Variants in EXOC6 observed in about 807,000 individuals in gnomAD.
EXOC6 encodes the protein SEC15-like 1.
A neutral mutation model predicts 112.5 loss-of-function variants in EXOC6; 60 were observed. The observed-to-expected ratio is 0.53, with a 90% CI of 0.43 to 0.66. EXOC6 has a LOEUF of 0.66. EXOC6 is among the 30% of genes least tolerant of loss of function. The probability of loss-of-function intolerance (pLI) is 0.00; values close to 1 mark genes in which losing one functional copy is unlikely to be tolerated. For synonymous variants in EXOC6, 295 were observed against 308.0 expected (o/e 0.96, Z 0.44); for missense variants, 855 against 957.1 (o/e 0.89, Z 1.41).
chr10:92,985,442 A>G (rs908195400), intron 18 of EXOC6, among the ~76,000 whole-genome samples: 19 of 151,994 alleles, frequency 1.3e-4, no homozygotes, highest in Non-Finnish European at 2.4e-4. Context: ...GAATTCCCAC[A>G]TACACCTTCA....
At chr10:92,920,144 A>G (rs1851347663) in intron 8 of EXOC6, 94 bp downstream of exon 8, 3 of 690,024 alleles carry the variant, frequency 4.3e-6, no homozygotes, top group Non-Finnish European at 6.8e-6. Flanking sequence ...TATGCTGTAA[A>G]TCTTCACATA....
At chr10:92,907,456 G>C (rs1353896971) in intron 5 of EXOC6, among the ~76,000 whole-genome samples, 2 of 152,172 alleles carry the variant, frequency 1.3e-5, no homozygotes, top group Non-Finnish European at 2.9e-5. Flanking sequence ...TCTCATGGGA[G>C]CGCCAAGATG....
chr10:93,057,160 G>T, intron 21 of EXOC6, 124 bp downstream of exon 21: 1 of 511,604 alleles, frequency 2.0e-6, no homozygotes, highest in East Asian at 3.4e-5. Flanking sequence ...GCTCACTCTA[G>T]TTTAATGACC....
intron 18 of EXOC6, among the ~76,000 whole-genome samples, chr10:92,980,323 T>A (rs933326116): frequency 2.6e-5 from 4 of 152,170 alleles, no homozygotes; most frequent in African/African-American, 4.8e-5. Context: ...ATTTTTCCCA[T>A]AGGACTGTCA....
intron 4 of EXOC6, among the ~76,000 whole-genome samples, chr10:92,898,848 ATGT>A (rs925248424): frequency 6.6e-6 from 1 of 152,122 alleles, no homozygotes; most frequent in Non-Finnish European, 1.5e-5. Flanking sequence ...CTGGAAAAAA[ATGT>A]TGTCTGTCCA....
At chr10:92,943,176 G>A (rs562020348) in intron 13 of EXOC6, among the ~76,000 whole-genome samples, 4 of 151,866 alleles carry the variant, frequency 2.6e-5, no homozygotes, top group East Asian at 3.9e-4. Flanking sequence ...CCACCACCAC[G>A]CCCGGCTAAT....
At position 92,940,770 on chromosome 10, in the gene EXOC6, A is replaced by G. The variant is rs1370516436; in HGVS notation, c.1256A>G (p.Glu419Gly). The change falls in exon 13 of 22, where the codon GAA becomes GGA. Residue 419 changes from glutamate to glycine, a missense_variant. By Grantham distance (98) the Glu-to-Gly change is moderately conservative. Around this residue, in one of 2 missense-constraint regions of EXOC6, gnomAD observed 450 missense variants for 563.5 expected, o/e 0.80. Transcript: ENST00000260762. ...PVNRLFDLLF[E>G]IRDQYNETLL... ...AACCGACTTTTTGACCTTTTATTTGAAATAAGAGACCAATACAATGAAACA... is the reference window on the plus strand; with the variant it reads ...AACCGACTTTTTGACCTTTTATTTGGAATAAGAGACCAATACAATGAAACA... The G allele has an allele frequency of 6.2e-7, 1 of 1,608,942 alleles. No homozygotes were observed. The highest frequency in any genetic ancestry group is 2.2e-5 in the East Asian group (1 of 44,604).
chr10:92,989,008 C>G (rs1843123427), intron 18 of EXOC6, among the ~76,000 whole-genome samples: 1 of 152,194 alleles, frequency 6.6e-6, no homozygotes, highest in Admixed American at 6.5e-5. Context: ...GCTGATTCCA[C>G]TTAACTGCAT....
At chr10:93,057,074 G>A (rs766789447) in intron 21 of EXOC6, 38 bp downstream of exon 21, 2 of 1,108,846 alleles carry the variant, frequency 1.8e-6, no homozygotes, top group East Asian at 5.3e-5. Context: ...TAACATTTTA[G>A]CACCTTTTGA....
Position 92,948,128 on chromosome 10 carries a change from T to G in EXOC6, c.1311-146T>G, listed in dbSNP as rs1853148196. Reference sequence around the variant, plus strand: ...TGTTGTTGAATTTTAGAATTCTGGATGCTTAGGCAGTATCTTCCTGTTTGG... The same window carrying G: ...TGTTGTTGAATTTTAGAATTCTGGAGGCTTAGGCAGTATCTTCCTGTTTGG... On this transcript the variant is annotated intron_variant, in intron 13 of 21. Transcript: ENST00000260762. The G allele has an allele frequency of 3.5e-5, 18 of 519,688 alleles. No homozygotes were observed. In the South Asian group the frequency reaches 4.7e-4, roughly 14 times the overall value. 32.2% of individuals were successfully genotyped at this position (519,688 alleles called of 1,614,324 possible).
At chr10:93,031,297 A>T (rs1019212987) in intron 20 of EXOC6, among the ~76,000 whole-genome samples, 5 of 152,042 alleles carry the variant, frequency 3.3e-5, no homozygotes, top group Admixed American at 6.6e-5. Flanking sequence ...GAATCTTTTT[A>T]TTAATTGAAA....
chr10:92,975,925 G>C (rs187176706), intron 18 of EXOC6, among the ~76,000 whole-genome samples: 1 of 128,552 alleles, frequency 7.8e-6, no homozygotes, highest in African/African-American at 2.9e-5. Context: ...AGGTGGGGGG[G>C]TCAGCCCCCC....
chr10:93,042,338 A>G (rs535121435), intron 20 of EXOC6, among the ~76,000 whole-genome samples: 1 of 152,348 alleles, frequency 6.6e-6, no homozygotes, highest in African/African-American at 2.4e-5. Flanking sequence ...ATGCTCTGAT[A>G]ATAGCCTATA....
At chr10:92,826,998 C>T (rs907474500) in intron 1 of EXOC6, among the ~76,000 whole-genome samples, 2 of 152,118 alleles carry the variant, frequency 1.3e-5, no homozygotes, top group African/African-American at 4.8e-5. Context: ...AGAGGCAGAA[C>T]ATGGAGTGCT....
chr10:92,849,592 C>G (rs1847226480), intron 1 of EXOC6, among the ~76,000 whole-genome samples: 1 of 152,166 alleles, frequency 6.6e-6, no homozygotes, highest in South Asian at 2.1e-4. Context: ...GAACTTGAGA[C>G]TGATTATGCT....
chr10:93,057,154 A>G (rs1422451360), intron 21 of EXOC6, 118 bp downstream of exon 21: 2 of 538,484 alleles, frequency 3.7e-6, no homozygotes, highest in Non-Finnish European at 6.3e-6. Flanking sequence ...TTAAAAGCTC[A>G]CTCTAGTTTA....
intron 19 of EXOC6, among the ~76,000 whole-genome samples, chr10:93,013,080 T>C: frequency 6.6e-6 from 1 of 151,984 alleles, no homozygotes; most frequent in Non-Finnish European, 1.5e-5. Context: ...GGGAAAATGA[T>C]TACAGGCATT....
chr10:92,866,278 A>G (rs1564785457), intron 1 of EXOC6, among the ~76,000 whole-genome samples: 1 of 152,172 alleles, frequency 6.6e-6, no homozygotes, highest in Non-Finnish European at 1.5e-5. Flanking sequence ...TGTACACAAG[A>G]ATTTTATCAC....
chr10:92,831,439 A>G, upstream of EXOC6: 2 of 822,978 alleles, frequency 2.4e-6, no homozygotes, highest in Admixed American at 6.3e-5. Context: ...TTTTTTTTTT[A>G]TTTTTATTTT....
Sources: gnomAD v4.1 joint callset for allele counts (sites outside exome capture counted in the v4.1 genomes callset) on GRCh38, gnomAD v4.1.1 for gene constraint, gnomAD v4.1.1 regional missense constraint, MANE v1.5 for transcripts, NCBI Gene and HGNC (gene_info 2026-07-23, HGNC 2026-07-21) for gene names.